The following TRPC4AP variants were observed in gnomAD, a reference collection of about 807,000 sequenced individuals.
The protein encoded by TRPC4AP is short transient receptor potential channel 4-associated protein.
In TRPC4AP, 45 loss-of-function variants were observed where a neutral mutation model predicts 99.0. That is an observed-to-expected ratio of 0.45 (90% confidence interval 0.36 to 0.58). TRPC4AP has a LOEUF of 0.58. Among genes scored for constraint, TRPC4AP ranks in the 20% least tolerant of loss-of-function variants. The pLI is 0.00. For missense variants in TRPC4AP, 879 were observed against 985.3 expected (o/e 0.89, Z 1.44); for synonymous variants, 408 against 385.8 (o/e 1.06, Z -0.67).
chr20:35,050,036 A>T lies in TRPC4AP; in HGVS notation c.529-42T>A, dbSNP rs753749565. The T allele has an allele frequency of 2.5e-6, 4 of 1,592,302 alleles. No individual in the cohort carries two copies. In the South Asian group the frequency reaches 4.6e-5, roughly 18 times the overall value. On this transcript the variant is annotated intron_variant, in intron 5 of 18. Coordinates refer to ENST00000252015, the MANE Select transcript of TRPC4AP (RefSeq NM_015638.3). ...AGGCAGAATAGGTTGTAAGTACAAA[A>T]TAAATTATGAAAGTACAAGGCATCC... is the stretch of plus-strand genomic sequence containing the variant.
intron 5 of TRPC4AP, among the ~76,000 whole-genome samples, chr20:35,051,035 C>T (rs1569123005): frequency 6.5e-5 from 2 of 30,726 alleles, no homozygotes; most frequent in Admixed American, 4.2e-4. Flanking sequence ...CTATAGCTTA[C>T]ACACACACAC....
intron 9 of TRPC4AP, among the ~76,000 whole-genome samples, chr20:35,020,092 A>C (rs1357955865): frequency 6.6e-6 from 1 of 152,170 alleles, no homozygotes; most frequent in Admixed American, 6.5e-5. Context: ...TCTTAAGTTC[A>C]CATCCAAACC....
At chr20:35,023,962 CA>C (rs1307654979) in intron 8 of TRPC4AP, among the ~76,000 whole-genome samples, 2 of 152,336 alleles carry the variant, frequency 1.3e-5, no homozygotes, top group Non-Finnish European at 1.5e-5. Context: ...AAACAGTCTC[CA>C]AAGCAATGGC....
chr20:35,009,462 T>C (rs564462639), intron 12 of TRPC4AP, among the ~76,000 whole-genome samples: 1 of 148,502 alleles, frequency 6.7e-6, no homozygotes, highest in Non-Finnish European at 1.5e-5. Context: ...GGCAACATAG[T>C]GAGACCCCAT....
intron 1 of TRPC4AP, among the ~76,000 whole-genome samples, chr20:35,084,106 C>G (rs1340264580): frequency 6.6e-6 from 1 of 151,900 alleles, no homozygotes; most frequent in Admixed American, 6.6e-5. Context: ...TCGAGACCAG[C>G]CTGGCCAACA....
At chr20:35,029,539 C>T (rs1226784616) in intron 8 of TRPC4AP, among the ~76,000 whole-genome samples, 4 of 150,002 alleles carry the variant, frequency 2.7e-5, no homozygotes, top group Admixed American at 1.3e-4. Context: ...TCCTCTATAT[C>T]TCCTTTAGTG....
intron 13 of TRPC4AP, 53 bp from the exon 14 acceptor site, chr20:35,007,693 G>C: frequency 6.3e-7 from 1 of 1,579,498 alleles, no homozygotes; most frequent in Non-Finnish European, 8.7e-7. Context: ...TCCGGCCCAT[G>C]TTCAGTTCTC....
chr20:35,045,693 C>A (rs751128696), intron 6 of TRPC4AP, among the ~76,000 whole-genome samples: 1 of 152,132 alleles, frequency 6.6e-6, no homozygotes, highest in Non-Finnish European at 1.5e-5. Flanking sequence ...CGCCCGCCAC[C>A]ACGCCTGGCT....
intron 9 of TRPC4AP, among the ~76,000 whole-genome samples, chr20:35,018,008 T>C (rs1404649184): frequency 6.6e-6 from 1 of 152,116 alleles, no homozygotes; most frequent in Non-Finnish European, 1.5e-5. Flanking sequence ...ACGGCTGACA[T>C]CTATGGTGTT....
chr20:35,005,656 C>T (rs765773217), intron 16 of TRPC4AP, 39 bp downstream of exon 16: 2 of 1,585,296 alleles, frequency 1.3e-6, no homozygotes, highest in Admixed American at 1.7e-5. Context: ...AGCATTCTTA[C>T]CCTGCATGAC....
intron 4 of TRPC4AP, among the ~76,000 whole-genome samples, chr20:35,056,542 T>G (rs973790207): frequency 6.6e-6 from 1 of 151,990 alleles, no homozygotes; most frequent in African/African-American, 2.4e-5. Context: ...AATGAGGCCT[T>G]ATACAGTATG....
At chr20:35,041,562 C>T (rs773486408) in intron 7 of TRPC4AP, among the ~76,000 whole-genome samples, 3 of 152,156 alleles carry the variant, frequency 2.0e-5, no homozygotes, top group Non-Finnish European at 4.4e-5. Context: ...AATAAAAAAA[C>T]AAAAACAAAA....
At chr20:35,069,170 G>C in intron 3 of TRPC4AP, 126 bp downstream of exon 3, 1 of 640,688 alleles carries the variant, frequency 1.6e-6, no homozygotes, top group Non-Finnish European at 2.8e-6. Context: ...ATGCCGCTAA[G>C]CTTCTAAAAG....
intron 8 of TRPC4AP, chr20:35,030,425 G>C (rs1013301038): frequency 2.6e-5 from 4 of 151,862 alleles, no homozygotes; most frequent in African/African-American, 7.3e-5. Context: ...AAGCATTTTC[G>C]GATTTATTCT....
At chr20:35,019,262 G>A (rs1315305142) in intron 9 of TRPC4AP, among the ~76,000 whole-genome samples, 3 of 152,190 alleles carry the variant, frequency 2.0e-5, no homozygotes, top group African/African-American at 4.8e-5. Flanking sequence ...ATGAGAACAC[G>A]CTAGTGAAAC....
At chr20:35,061,484 C>A (rs6119567) in intron 3 of TRPC4AP, among the ~76,000 whole-genome samples, 1 of 152,124 alleles carries the variant, frequency 6.6e-6, no homozygotes, top group Non-Finnish European at 1.5e-5. Context: ...CAAGCTGATC[C>A]TGAAATTCAC....
At chr20:35,084,502 A>ACGTATATATG (rs1569154713) in intron 1 of TRPC4AP, among the ~76,000 whole-genome samples, 3 of 147,620 alleles carry the variant, frequency 2.0e-5, no homozygotes, top group African/African-American at 7.6e-5. Flanking sequence ...ATATCTATAT[A>ACGTATATATG]TGTATATACG....
At chr20:35,003,378 ACCCATCACCC>A in intron 18 of TRPC4AP, 22 bp downstream of exon 18, 1 of 1,561,748 alleles carries the variant, frequency 6.4e-7, no homozygotes, top group Non-Finnish European at 8.6e-7. Context: ...TCCGCGGCCC[ACCCATCACCC>A]CCTTGAGGGT....
chr20:35,073,068 G>T (rs557152711), intron 2 of TRPC4AP, among the ~76,000 whole-genome samples: 1 of 152,060 alleles, frequency 6.6e-6, no homozygotes, highest in Non-Finnish European at 1.5e-5. Flanking sequence ...GTTCACTCAT[G>T]ATTTGGCTGT....
Sources: gnomAD v4.1 joint callset for allele counts (sites outside exome capture counted in the v4.1 genomes callset) on GRCh38, gnomAD v4.1.1 for gene constraint, MANE v1.5 for transcripts, NCBI Gene and HGNC (gene_info 2026-07-23, HGNC 2026-07-21) for gene names.